Variants in ANXA2 observed in about 807,000 individuals in gnomAD.
ANXA2 encodes the protein annexin II.
ANXA2 carries 28 observed loss-of-function variants against 47.3 expected under a neutral mutation model. The ratio of observed to expected loss-of-function variants is 0.59; its 90% CI spans 0.44 to 0.81. The LOEUF is 0.81. Among genes scored for constraint, ANXA2 ranks in the 40% least tolerant of loss-of-function variants. ANXA2 has a pLI of 0.00. For synonymous variants in ANXA2, 172 were observed against 155.5 expected, an observed-to-expected ratio of 1.11 and a Z score of -0.79; for missense variants, 384 against 414.3, an observed-to-expected ratio of 0.93 and a Z score of 0.64.
chr15:60,395,531 G>A (rs1195009709), intron 1 of ANXA2: 3 of 152,154 alleles, frequency 2.0e-5, no homozygotes, highest in Non-Finnish European at 2.9e-5. Flanking sequence ...AGTGGTGTAG[G>A]AAGAGCCTAC....
At chr15:60,376,307 G>A (rs1185635016) in intron 3 of ANXA2, among the ~76,000 whole-genome samples, 13 of 152,138 alleles carry the variant, frequency 8.5e-5, no homozygotes, top group African/African-American at 3.1e-4. Context: ...GCTTGAACCC[G>A]GGAGGCGAGG....
intron 1 of ANXA2, chr15:60,397,186 A>C: frequency 7.2e-6 from 6 of 836,710 alleles, no homozygotes; most frequent in Non-Finnish European, 8.6e-6. Flanking sequence ...CTCTACTCTC[A>C]GTTCCTGACT....
intron 9 of ANXA2, among the ~76,000 whole-genome samples, 172 bp from the exon 10 acceptor site, chr15:60,351,991 G>A (rs754232674): frequency 3.9e-5 from 6 of 152,108 alleles, no homozygotes; most frequent in Admixed American, 1.3e-4. Context: ...CAAGTTTGTC[G>A]TGGAACAGCC....
rs1335336985 is a variant in ANXA2 at position 60,364,431 on chromosome 15, T to C, written c.241A>G (p.Lys81Glu). Residue 81 changes from lysine (K) to glutamate (E), a missense_variant and splice_region_variant, in exon 4 of 13, where the codon AAG (lysine) becomes GAG (glutamate). Physicochemically the swap from Lys to Glu is moderately conservative, Grantham distance 56. Transcript: ENST00000451270. Reference sequence around the variant, plus strand: ...TCCATCCCTGGAATTGCCTGTACCTTTTTGGTCCTTCTCTGGTAGGCGAAG... The same window carrying C: ...TCCATCCCTGGAATTGCCTGTACCTCTTTGGTCCTTCTCTGGTAGGCGAAG... The part of the protein sequence containing the change: ...IAFAYQRRTK[K>E]ELASALKSAL... 5 of 1,610,432 alleles carry C rather than the reference T, an allele frequency of 3.1e-6. No homozygotes were observed. The highest frequency in any genetic ancestry group is 4.5e-5 in the East Asian group (2 of 44,846).
chr15:60,363,890 T>G (rs553809425), intron 4 of ANXA2, among the ~76,000 whole-genome samples: 80 of 152,320 alleles, frequency 5.3e-4, no homozygotes, highest in African/African-American at 1.8e-3. Flanking sequence ...GCAGAAGTCA[T>G]AAAGATGAAA....
At chr15:60,368,269 C>A (rs1210319014) in intron 3 of ANXA2, among the ~76,000 whole-genome samples, 1 of 143,540 alleles carries the variant, frequency 7.0e-6, no homozygotes, top group African/African-American at 2.6e-5. Flanking sequence ...TATGACCCTG[C>A]CAAATCCCCC....
At chr15:60,355,731 G>T in intron 7 of ANXA2, 188 bp downstream of exon 7, 2 of 663,512 alleles carry the variant, frequency 3.0e-6, no homozygotes, top group Non-Finnish European at 2.8e-6. Context: ...ATGAGGTTTT[G>T]CAGGATAAGA....
chr15:60,369,081 G>A (rs888615806), intron 3 of ANXA2, among the ~76,000 whole-genome samples: 2 of 152,194 alleles, frequency 1.3e-5, no homozygotes, highest in African/African-American at 4.8e-5. Context: ...TGGGGTCTCA[G>A]CTTCTATATC....
intron 3 of ANXA2, among the ~76,000 whole-genome samples, chr15:60,371,883 G>T (rs1417138437): frequency 1.3e-5 from 2 of 152,194 alleles, no homozygotes; most frequent in Admixed American, 6.5e-5. Flanking sequence ...CGGGCGCGGT[G>T]GCTCACGCCT....
At chr15:60,358,159 C>T (rs758875238) in intron 5 of ANXA2, among the ~76,000 whole-genome samples, 2 of 152,172 alleles carry the variant, frequency 1.3e-5, no homozygotes, top group Non-Finnish European at 2.9e-5. Flanking sequence ...TAATTATGCA[C>T]TCTTCAGGCA....
At chr15:60,365,059 T>TTTTTTTTTTTTTTGAGACGGAGTCTCGC (rs1595678189) in intron 3 of ANXA2, among the ~76,000 whole-genome samples, 1 of 147,808 alleles carries the variant, frequency 6.8e-6, no homozygotes, top group African/African-American at 2.5e-5. Flanking sequence ...AGTTGTATTT[T>TTTTTTTTTTTTTTGAGACGGAGTCTCGC]TAATAGCATA....
chr15:60,370,202 C>T (rs1315450360), intron 3 of ANXA2, among the ~76,000 whole-genome samples: 4 of 152,186 alleles, frequency 2.6e-5, no homozygotes, highest in Admixed American at 6.5e-5. Context: ...AGTGAACAGC[C>T]GTAATGCATT....
At chr15:60,356,613 A>C (rs1442145611) in intron 6 of ANXA2, among the ~76,000 whole-genome samples, 1 of 152,196 alleles carries the variant, frequency 6.6e-6, no homozygotes, top group East Asian at 1.9e-4. Flanking sequence ...TATCACATGT[A>C]CCCCCAAAAT....
intron 3 of ANXA2, among the ~76,000 whole-genome samples, chr15:60,370,780 G>C (rs2062700310): frequency 6.6e-6 from 1 of 152,180 alleles, no homozygotes; most frequent in African/African-American, 2.4e-5. Context: ...TCGTGTTCCA[G>C]TGCTTAAGGA....
At chr15:60,370,948 T>TC (rs1226117669) in intron 3 of ANXA2, among the ~76,000 whole-genome samples, 2 of 152,166 alleles carry the variant, frequency 1.3e-5, no homozygotes, top group African/African-American at 4.8e-5. Context: ...GCAAAGGCTC[T>TC]CCCCAAAGAA....
chr15:60,375,161 T>C (rs574884768), intron 3 of ANXA2, among the ~76,000 whole-genome samples: 1 of 152,284 alleles, frequency 6.6e-6, no homozygotes, highest in Non-Finnish European at 1.5e-5. Flanking sequence ...AGCAGTTCTA[T>C]TTTAAAAGTA....
At position 60,373,582 on chromosome 15, in the gene ANXA2, C is replaced by G. The variant is rs146437973; in HGVS notation, c.148+8760G>C. Among the ~76,000 whole-genome samples, 805 of 152,300 alleles carry G rather than the reference C, an allele frequency of 5.3e-3. 9 individuals are homozygous for G. The highest frequency in any genetic ancestry group is 0.019 in the African/African-American group (779 of 41,550). Reference sequence around the variant, plus strand: ...CAGAGCGTCTCTCATCAAGACAGGACACCCAGCAGGCTGACAGATGCCAGG... The same window carrying G: ...CAGAGCGTCTCTCATCAAGACAGGAGACCCAGCAGGCTGACAGATGCCAGG... On this transcript the variant is annotated intron_variant, in intron 3 of 12. Coordinates refer to ENST00000451270, the MANE Select transcript of ANXA2 (RefSeq NM_004039.3).
intron 3 of ANXA2, among the ~76,000 whole-genome samples, chr15:60,368,347 T>G (rs2123830): frequency 0.88 from 130,770 of 149,098 alleles, 57,498 homozygotes; most frequent in Admixed American, 0.94. Flanking sequence ...AAAATAAAAA[T>G]AAATCCAATT....
In ANXA2 at chr15:60,360,929, A is replaced by G; in HGVS notation, c.357+12T>C. On this transcript the variant is annotated intron_variant, in intron 5 of 12. Transcript: ENST00000451270. Reference sequence around the variant, plus strand: ...GCAGATTTGACAGAGATGACATCTCACATGCATTTACCTTCATGGAAGCTT... The same window carrying G: ...GCAGATTTGACAGAGATGACATCTCGCATGCATTTACCTTCATGGAAGCTT... The G allele has an allele frequency of 6.6e-7, 1 of 1,510,908 alleles. No homozygotes were observed. Among genetic ancestry groups the G allele is most frequent in the Middle Eastern group, 1.7e-4 (1 of 5,846 alleles). The allele number at this position is 1,510,908 out of a possible 1,614,324, so 93.6% of individuals were successfully genotyped here.
Sources: allele counts gnomAD v4.1 joint callset (sites outside exome capture counted in the v4.1 genomes callset), GRCh38; gene constraint gnomAD v4.1.1; transcripts MANE v1.5; gene names NCBI Gene and HGNC (gene_info 2026-07-23, HGNC 2026-07-21).